LCMT1: variants seen among roughly 807,000 people sequenced by gnomAD.
The protein encoded by LCMT1 is [Phosphatase 2A protein]-leucine-carboxy methyltransferase 1.
LCMT1 carries 32 observed loss-of-function variants against 47.7 expected under a neutral mutation model. The ratio of observed to expected loss-of-function variants is 0.67; its 90% CI spans 0.51 to 0.90. LCMT1 has a LOEUF of 0.90. Among genes scored for constraint, LCMT1 ranks in the 40% least tolerant of loss-of-function variants. The pLI is 0.00. For synonymous variants in LCMT1, 152 were observed against 149.7 expected (o/e 1.02, Z -0.11); for missense variants, 375 against 415.2 (o/e 0.90, Z 0.84).
intron 7 of LCMT1, among the ~76,000 whole-genome samples, chr16:25,166,429 T>C (rs1484054369): frequency 6.6e-6 from 1 of 152,082 alleles, no homozygotes. Flanking sequence ...TGAGATAGGG[T>C]CTCACTGTAT....
chr16:25,125,836 TAGTAATAATAATA>T (rs1436650463), intron 1 of LCMT1: 1 of 121,134 alleles, frequency 8.3e-6, no homozygotes, highest in South Asian at 3.8e-4. Flanking sequence ...CCATCTCTAA[TAGTAATAATAATA>T]ATAATAATAA....
chr16:25,169,726 C>T (rs1270110671), intron 8 of LCMT1, among the ~76,000 whole-genome samples: 1 of 151,718 alleles, frequency 6.6e-6, no homozygotes, highest in Non-Finnish European at 1.5e-5. Flanking sequence ...ATGCCCAGTT[C>T]ATGTTCAGTT....
rs1961424434 is a variant in LCMT1, at chr16:25,161,224, A to G, written c.569+20A>G. The G allele has an allele frequency of 7.4e-7, 1 of 1,359,162 alleles. No individual in the cohort carries two copies. Among genetic ancestry groups the G allele is most frequent in the South Asian group, 1.2e-5 (1 of 80,922 alleles). The allele number at this position is 1,359,162 out of a possible 1,614,324, so 84.2% of individuals were successfully genotyped here. ...TACACAGTGAGATTTTTTTTTTTAA[A>G]CCTCTTCTGCATTTGTGATTTTATG... On this transcript the variant is annotated intron_variant, in intron 6 of 10. Coordinates refer to ENST00000399069, the MANE Select transcript of LCMT1 (RefSeq NM_016309.3).
At chr16:25,152,132 C>G (rs1480450165) in intron 5 of LCMT1, among the ~76,000 whole-genome samples, 1 of 152,054 alleles carries the variant, frequency 6.6e-6, no homozygotes, top group Non-Finnish European at 1.5e-5. Flanking sequence ...CGGAGACTGG[C>G]CAGAACCACT....
intron 1 of LCMT1, among the ~76,000 whole-genome samples, chr16:25,116,301 G>T (rs1368586211): frequency 1.3e-5 from 2 of 152,230 alleles, no homozygotes; most frequent in African/African-American, 2.4e-5. Context: ...GCTGTAACAT[G>T]TAAAGAAGCC....
intron 1 of LCMT1, among the ~76,000 whole-genome samples, chr16:25,118,831 A>G (rs1307215848): frequency 6.6e-6 from 1 of 152,038 alleles, no homozygotes; most frequent in African/African-American, 2.4e-5. Context: ...TGCAGGATAG[A>G]TCTCGGAGAG....
At chr16:25,133,654 C>T (rs1056436074) in intron 3 of LCMT1, among the ~76,000 whole-genome samples, 42 of 150,170 alleles carry the variant, frequency 2.8e-4, no homozygotes, top group Admixed American at 9.3e-4. Context: ...ACCTCGGCCT[C>T]CCAAAGTGCT....
At chr16:25,154,579 T>C (rs894800677) in intron 5 of LCMT1, among the ~76,000 whole-genome samples, 4 of 150,002 alleles carry the variant, frequency 2.7e-5, no homozygotes, top group African/African-American at 9.8e-5. Flanking sequence ...CTCCGCCTCC[T>C]GGGTTCATGC....
chr16:25,163,840 G>T (rs1437768392), intron 6 of LCMT1, among the ~76,000 whole-genome samples: 1 of 152,146 alleles, frequency 6.6e-6, no homozygotes, highest in East Asian at 1.9e-4. Context: ...GTTTCTTGTT[G>T]GGCTTAGCTG....
At chr16:25,161,270 G>A in intron 6 of LCMT1, 66 bp downstream of exon 6, 1 of 792,074 alleles carries the variant, frequency 1.3e-6, no homozygotes, top group East Asian at 2.7e-5. Context: ...GATAAGGCCA[G>A]TCGGAAGTAC....
intron 3 of LCMT1, among the ~76,000 whole-genome samples, chr16:25,136,250 T>C (rs776435660): frequency 3.3e-5 from 5 of 151,858 alleles, no homozygotes; most frequent in Non-Finnish European, 7.4e-5. Flanking sequence ...AGGGTCAATT[T>C]TGGCAGTCTG....
At position 25,128,534 on chromosome 16, in the gene LCMT1, C is replaced by T. The variant is rs764850487; in HGVS notation, c.173C>T (p.Ser58Phe). 2 of 1,608,314 alleles carry T rather than the reference C, an allele frequency of 1.2e-6. No individual in the cohort carries two copies. Among genetic ancestry groups the T allele is most frequent in the Admixed American group, 3.4e-5 (2 of 59,172 alleles). ...TACATACAGCACTTTGTGAGACTGTCTAAAGAGAGGAAAGCCCCTGAAATC... is the reference window on the plus strand; with the variant it reads ...TACATACAGCACTTTGTGAGACTGTTTAAAGAGAGGAAAGCCCCTGAAATC... ...DPYIQHFVRL[S>F]KERKAPEINR... The change falls in exon 2 of 11, where the codon TCT becomes TTT. Residue 58 changes from serine to phenylalanine, a missense_variant. Transcript: ENST00000399069.
chr16:25,140,086 C>G (rs1960634478), intron 3 of LCMT1, 85 bp from the exon 4 acceptor site: 2 of 976,588 alleles, frequency 2.0e-6, no homozygotes, highest in South Asian at 2.8e-5. Context: ...CACTATTGCT[C>G]TTAGGTGCCT....
intron 3 of LCMT1, among the ~76,000 whole-genome samples, chr16:25,135,794 A>C (rs1271094789): frequency 6.6e-6 from 1 of 152,130 alleles, no homozygotes; most frequent in African/African-American, 2.4e-5. Context: ...TCTTGTCACA[A>C]AAAAGGAATA....
At chr16:25,148,704 A>ACCAGTCGCGAGACTAGAGGAAAACTCG (rs1239709696) in intron 4 of LCMT1, 1 of 152,144 alleles carries the variant, frequency 6.6e-6, no homozygotes, top group Non-Finnish European at 1.5e-5. Context: ...AGGAAAACTT[A>ACCAGTCGCGAGACTAGAGGAAAACTCG]CCAGTCGCGA....
intron 5 of LCMT1, chr16:25,160,656 A>G: frequency 2.2e-6 from 1 of 459,362 alleles, no homozygotes; most frequent in South Asian, 1.5e-5. Flanking sequence ...ACTTAGAAAT[A>G]CCATGTCTCA....
chr16:25,115,884 G>A lies in LCMT1; in HGVS notation c.113+3888G>A, dbSNP rs796567306. ...GTAGAGAAGGGGTTTCACCATGTTG[G>A]TCAGGCTGGTCTCGAATGCCTGACC... On this transcript the variant is annotated intron_variant, in intron 1 of 10. Transcript: ENST00000399069. Among the ~76,000 whole-genome samples the A allele has an allele frequency of 1.2e-4, 18 of 152,276 alleles. 1 individual carries two copies. The highest frequency in any genetic ancestry group is 4.1e-4 in the African/African-American group (17 of 41,550).
chr16:25,151,639 T>A, intron 5 of LCMT1, 24 bp downstream of exon 5: 1 of 1,599,264 alleles, frequency 6.3e-7, no homozygotes, highest in Non-Finnish European at 8.6e-7. Context: ...TAATGCAAAA[T>A]GGACTGTATC....
chr16:25,133,385 G>GT (rs1177872054), intron 3 of LCMT1, among the ~76,000 whole-genome samples: 18,371 of 52,588 alleles, frequency 0.35, 7,047 homozygotes, highest in Non-Finnish European at 0.49. Context: ...CTGGGCTTAG[G>GT]TTTTTTTTTT....
Sources: allele counts gnomAD v4.1 joint callset (sites outside exome capture counted in the v4.1 genomes callset), GRCh38; gene constraint gnomAD v4.1.1; transcripts MANE v1.5; gene names NCBI Gene and HGNC (gene_info 2026-07-23, HGNC 2026-07-21).